FLYWCH1: variants seen among roughly 807,000 people sequenced by gnomAD.
FLYWCH1 encodes FLYWCH-type zinc finger-containing protein 1.
A neutral mutation model predicts 66.4 loss-of-function variants in FLYWCH1; 75 were observed. The observed-to-expected ratio is 1.13, with a 90% CI of 0.94 to 1.37. FLYWCH1 has a LOEUF of 1.37. FLYWCH1 is among the 40% of genes most tolerant of loss of function. The probability of loss-of-function intolerance (pLI) is 0.00; values close to 1 mark genes in which losing one functional copy is unlikely to be tolerated. For missense variants in FLYWCH1, 1,334 were observed against 1,001.8 expected, an observed-to-expected ratio of 1.33 and a Z score of -4.48; for synonymous variants, 595 against 429.9, an observed-to-expected ratio of 1.38 and a Z score of -4.75.
chr16:2,931,974 C>T (rs555859227), intron 4 of FLYWCH1, among the ~76,000 whole-genome samples: 2 of 152,004 alleles, frequency 1.3e-5, no homozygotes, highest in Non-Finnish European at 2.9e-5. Context: ...AAAGATTAGC[C>T]AGGCGTGGTA....
Position 2,918,216 on chromosome 16 carries a change from C to T in FLYWCH1, c.-74+3927C>T, listed in dbSNP as rs1360881435. On this transcript the variant is annotated intron_variant, in intron 2 of 9. Coordinates refer to ENST00000253928, the MANE Select transcript of FLYWCH1 (RefSeq NM_001308068.2). ...AGGCTGGAGTGCAGTGGGGCAATCT[C>T]GGCTCACTGCAAGCTCCGCCTCCCA... is the stretch of plus-strand genomic sequence containing the variant. 1.7e-4 allele frequency among the ~76,000 whole-genome samples: 24 copies of T among 142,450 alleles called. 1 individual carries two copies. The highest frequency in any genetic ancestry group is 2.9e-4 in the Non-Finnish European group (19 of 66,272). The allele number at this position is 142,450 out of a possible 152,430, so 93.5% of individuals were successfully genotyped here. A position where few individuals can be genotyped will look rare whatever the true frequency, so the allele number is the denominator to read the frequency against.
chr16:2,924,610 G>A (rs995923430), intron 2 of FLYWCH1, among the ~76,000 whole-genome samples: 2 of 152,186 alleles, frequency 1.3e-5, no homozygotes, highest in Non-Finnish European at 2.9e-5. Flanking sequence ...GCCCTGGCCC[G>A]TGAGGCGTGG....
chr16:2,921,786 G>A (rs1341408904), intron 2 of FLYWCH1, among the ~76,000 whole-genome samples: 2 of 152,112 alleles, frequency 1.3e-5, no homozygotes, highest in East Asian at 1.9e-4. Context: ...CATTCTGGCC[G>A]GGTGTGGTGG....
chr16:2,940,217 G>A (rs997999431), intron 9 of FLYWCH1, 125 bp downstream of exon 9: 3 of 618,254 alleles, frequency 4.9e-6, no homozygotes, highest in African/African-American at 1.8e-5. Context: ...GGGCTGGGTG[G>A]TTCTGACTCC....
chr16:2,929,535 C>T (rs2070685644), intron 2 of FLYWCH1, 78 bp from the exon 3 acceptor site: 4 of 1,038,964 alleles, frequency 3.8e-6, no homozygotes, highest in East Asian at 5.2e-5. Context: ...GCCCCATCTG[C>T]CCCACCTCCC....
chr16:2,920,522 A>C (rs541434287), intron 2 of FLYWCH1, among the ~76,000 whole-genome samples: 140 of 152,076 alleles, frequency 9.2e-4, no homozygotes, highest in Non-Finnish European at 1.4e-3. Context: ...AAAAAAAAAA[A>C]AAAACACTTT....
In FLYWCH1 at chr16:2,933,976, C is replaced by A; in HGVS notation, c.1510C>A (p.Pro504Thr). 6.5e-7 allele frequency: 1 copy of A among 1,527,578 alleles called. No homozygotes were observed. The highest frequency in any genetic ancestry group is 2.5e-5 in the East Asian group (1 of 40,786). 94.6% of individuals were successfully genotyped at this position (1,527,578 alleles called of 1,614,324 possible). ...KRPNTAQRGSPGGPEFLKTPL... is the reference protein window; with the variant it reads ...KRPNTAQRGSTGGPEFLKTPL... ...CCCCAACACGGCGCAGCGGGGGAGC[C>A]CAGGTACCTGGGGGTGGGCTGGGAG... The change falls in exon 6 of 10, where the codon CCA (proline) becomes ACA (threonine). Residue 504 changes from proline (P) to threonine (T), a missense_variant. By Grantham distance (38) the Pro-to-Thr change is conservative (BLOSUM62 -1). Coordinates refer to ENST00000253928, the MANE Select transcript of FLYWCH1 (RefSeq NM_001308068.2).
chr16:2,942,664 C>G (rs1284424334), intron 9 of FLYWCH1, among the ~76,000 whole-genome samples: 1 of 39,318 alleles, frequency 2.5e-5, no homozygotes, highest in African/African-American at 1.6e-4. Context: ...AGGCCTGAGA[C>G]TGCTGCCCTA....
chr16:2,937,426 A>C, intron 7 of FLYWCH1, 42 bp downstream of exon 7: 1 of 1,487,220 alleles, frequency 6.7e-7, no homozygotes, highest in Non-Finnish European at 8.9e-7. Flanking sequence ...CTGGTCTCCC[A>C]GGACCTGTGC....
chr16:2,932,538 G>C (rs952208317), intron 4 of FLYWCH1, among the ~76,000 whole-genome samples: 1 of 152,114 alleles, frequency 6.6e-6, no homozygotes, highest in Non-Finnish European at 1.5e-5. Flanking sequence ...GTTCGAGGAG[G>C]CCACGTGGCT....
intron 4 of FLYWCH1, 148 bp from the exon 5 acceptor site, chr16:2,932,982 G>A (rs2070823963): frequency 1.5e-5 from 10 of 683,112 alleles, no homozygotes; most frequent in East Asian, 2.7e-5. Context: ...ATGGGTTTGG[G>A]GCCTCTGACA....
chr16:2,945,225 C>T (rs1028187308), intron 9 of FLYWCH1, among the ~76,000 whole-genome samples: 1 of 151,964 alleles, frequency 6.6e-6, no homozygotes, highest in African/African-American at 2.4e-5. Context: ...CAGTGGCTCA[C>T]GCCTGTAATC....
intron 3 of FLYWCH1, 100 bp downstream of exon 3, chr16:2,930,110 C>A: frequency 1.8e-6 from 2 of 1,096,558 alleles, no homozygotes; most frequent in Non-Finnish European, 2.6e-6. Flanking sequence ...CTTGTCCTTG[C>A]TCCAAGCTCA....
Position 2,930,945 on chromosome 16 carries a change from C to T in FLYWCH1, c.796+65C>T, listed in dbSNP as rs991368383. On this transcript the variant is annotated intron_variant, in intron 4 of 9. Coordinates refer to ENST00000253928, the MANE Select transcript of FLYWCH1 (RefSeq NM_001308068.2). ...AGGGGACCCGAGGGCCCTTCCTCAG[C>T]CCAAATAGAAATGTGGGGTCCCACA... 3.9e-6 allele frequency: 5 copies of T among 1,269,158 alleles called. No individual in the cohort carries two copies. The African/African-American group carries it at 7.6e-5, about 19-fold the overall frequency. 78.6% of individuals were successfully genotyped at this position (1,269,158 alleles called of 1,614,324 possible).
intron 4 of FLYWCH1, among the ~76,000 whole-genome samples, chr16:2,931,177 C>A (rs1026326645): frequency 6.6e-6 from 1 of 151,904 alleles, no homozygotes; most frequent in South Asian, 2.1e-4. Context: ...CTGGTGCGCA[C>A]CTGTAATCCC....
rs1263265488 is a variant in FLYWCH1 at position 2,937,370 on chromosome 16, A to G, written c.1763A>G (p.Gln588Arg). 3.2e-6 allele frequency: 5 copies of G among 1,575,442 alleles called. No individual in the cohort carries two copies. The highest frequency in any genetic ancestry group is 3.4e-6 in the Non-Finnish European group (4 of 1,162,476). Reference protein sequence around the residue: ...RQREHFPNLAQWDSPDPLRPL... With the variant: ...RQREHFPNLARWDSPDPLRPL... ...CGGGAGCACTTCCCCAACCTGGCGC[A>G]GTGGGACAGCCCAGGTGCGTGTGGA... Residue 588 changes from glutamine (Q) to arginine (R), a missense_variant, in exon 7 of 10, where the codon CAG becomes CGG. Transcript: ENST00000253928.
At chr16:2,934,575 T>C (rs1472055444) in intron 6 of FLYWCH1, 1 of 447,788 alleles carries the variant, frequency 2.2e-6, no homozygotes, top group Non-Finnish European at 4.5e-6. Context: ...CATTTCATCG[T>C]GGCCTCCTCC....
At chr16:2,914,908 CAAAAAA>C (rs555910638) in intron 2 of FLYWCH1, among the ~76,000 whole-genome samples, 2 of 72,708 alleles carry the variant, frequency 2.8e-5, no homozygotes, top group African/African-American at 5.2e-5. Flanking sequence ...GACTCTGTCT[CAAAAAA>C]AAAAAAAAAA....
At chr16:2,948,520 A>G (rs774051037) in intron 9 of FLYWCH1, among the ~76,000 whole-genome samples, 168 bp from the exon 10 acceptor site, 8 of 152,214 alleles carry the variant, frequency 5.3e-5, no homozygotes, top group Non-Finnish European at 8.8e-5. Context: ...CCGAGATCGC[A>G]CCACTGCACT....
Sources: allele counts gnomAD v4.1 joint callset (sites outside exome capture counted in the v4.1 genomes callset), GRCh38; gene constraint gnomAD v4.1.1; transcripts MANE v1.5; gene names NCBI Gene and HGNC (gene_info 2026-07-23, HGNC 2026-07-21).